The following FBRSL1 variants were observed in gnomAD, a reference collection of about 807,000 sequenced individuals.
FBRSL1 encodes fibrosin-1-like protein.
FBRSL1 carries 51 observed loss-of-function variants against 89.6 expected under a neutral mutation model. That is an observed-to-expected ratio of 0.57 (90% CI 0.45 to 0.72). The LOEUF (loss-of-function observed/expected upper bound fraction) is 0.72, where lower values mean the gene tolerates loss of function less well. Among genes scored for constraint, FBRSL1 ranks in the 30% least tolerant of loss-of-function variants. The pLI is 0.00. For synonymous variants in FBRSL1, 779 were observed against 681.1 expected (o/e 1.14, Z -2.24); for missense variants, 1,618 against 1,451.8 (o/e 1.11, Z -1.86).
chr12:132,582,361 C>T (rs1268464056), intron 18 of FBRSL1, 95 bp downstream of exon 18: 2 of 1,061,024 alleles, frequency 1.9e-6, no homozygotes, highest in African/African-American at 1.6e-5. Context: ...CCCGTTCCCT[C>T]TTCTCCCCGT....
At chr12:132,518,876 ACCACCCATGCATCTATCCATCCAC>A (rs998117425) in intron 2 of FBRSL1, among the ~76,000 whole-genome samples, 3 of 138,590 alleles carry the variant, frequency 2.2e-5, no homozygotes, top group Admixed American at 2.1e-4. Flanking sequence ...TGTCCATCCA[ACCACCCATGCATCTATCCATCCAC>A]CCACCCACCC....
At chr12:132,516,492 TGAAGA>T (rs1425546768) in intron 2 of FBRSL1, among the ~76,000 whole-genome samples, 1 of 152,192 alleles carries the variant, frequency 6.6e-6, no homozygotes, top group African/African-American at 2.4e-5. Flanking sequence ...TTAGATAATC[TGAAGA>T]GTCTTACATC....
Position 132,583,595 on chromosome 12 carries a change from C to T in FBRSL1, c.2826C>T (p.Leu942=), listed in dbSNP as rs1411440977. ...RLSPAALHNG[L]LARTPPAAAA... is the part of the protein sequence containing the mutation. Reference sequence around the variant, plus strand: ...CGCCCGCCGCGCTGCACAATGGGCTCCTGGCGCGGACCCCGCCCGCCGCCG... The same window carrying T: ...CGCCCGCCGCGCTGCACAATGGGCTTCTGGCGCGGACCCCGCCCGCCGCCG... Residue 942 remains leucine (L), a synonymous_variant, in exon 19 of 19, where the codon CTC becomes CTT. Coordinates refer to ENST00000680143, the MANE Select transcript of FBRSL1 (RefSeq NM_001367871.1). 4 of 994,886 alleles carry T rather than the reference C, an allele frequency of 4.0e-6. No individual in the cohort carries two copies. Among genetic ancestry groups the T allele is most frequent in the Non-Finnish European group, 4.8e-6 (4 of 837,278 alleles). The allele number at this position is 994,886 out of a possible 1,614,324, so 61.6% of individuals were successfully genotyped here. A position where few individuals can be genotyped will look rare whatever the true frequency, so the allele number is the denominator to read the frequency against.
chr12:132,564,822 G>C (rs1320502955), intron 5 of FBRSL1, among the ~76,000 whole-genome samples: 1 of 150,162 alleles, frequency 6.7e-6, no homozygotes, highest in Non-Finnish European at 1.5e-5. Context: ...GTAGAGACGG[G>C]GTTTCACCGT....
chr12:132,536,134 A>C (rs888671153), intron 4 of FBRSL1, among the ~76,000 whole-genome samples: 1 of 140,808 alleles, frequency 7.1e-6, no homozygotes, highest in African/African-American at 2.7e-5. Flanking sequence ...CCATGTGTAC[A>C]TGATGGTGTG....
chr12:132,526,592 C>A (rs998015653), intron 3 of FBRSL1, among the ~76,000 whole-genome samples: 2 of 152,170 alleles, frequency 1.3e-5, no homozygotes, highest in Admixed American at 6.5e-5. Flanking sequence ...GACCTGTCCC[C>A]GGCAAGGGTC....
chr12:132,548,091 T>A, intron 5 of FBRSL1, 59 bp downstream of exon 5: 2 of 1,541,404 alleles, frequency 1.3e-6, no homozygotes, highest in Non-Finnish European at 1.8e-6. Context: ...CCTGCTGACC[T>A]TGGCCCTGTG....
chr12:132,548,242 G>A (rs879481392), intron 5 of FBRSL1, among the ~76,000 whole-genome samples: 29 of 152,144 alleles, frequency 1.9e-4, no homozygotes, highest in Non-Finnish European at 2.5e-4. Context: ...GGCTGGGGCC[G>A]GTACCGTGTC....
chr12:132,550,534 C>CCT (rs1272250639), intron 5 of FBRSL1, among the ~76,000 whole-genome samples: 1 of 152,150 alleles, frequency 6.6e-6, no homozygotes, highest in African/African-American at 2.4e-5. Context: ...ACTGCAGGGG[C>CCT]CTCTCCTTGT....
intron 9 of FBRSL1, 84 bp from the exon 10 acceptor site, chr12:132,572,204 C>A: frequency 1.5e-6 from 2 of 1,317,000 alleles, no homozygotes; most frequent in Non-Finnish European, 2.1e-6. Flanking sequence ...CTGTCACTGC[C>A]CAGCCCGGCC....
intron 5 of FBRSL1, chr12:132,551,803 TC>T: frequency 2.9e-6 from 1 of 349,808 alleles, no homozygotes; most frequent in Non-Finnish European, 5.7e-6. Context: ...CCTTCGCAAG[TC>T]TTCGGTTTGT....
At chr12:132,490,896 G>A (rs1173647090) in intron 1 of FBRSL1, 35 bp downstream of exon 1, 1 of 1,066,456 alleles carries the variant, frequency 9.4e-7, no homozygotes, top group Non-Finnish European at 1.2e-6. Flanking sequence ...AGGCGTTGAG[G>A]CGAGAACGGG....
intron 1 of FBRSL1, among the ~76,000 whole-genome samples, chr12:132,501,378 A>G (rs1177939059): frequency 6.6e-6 from 1 of 152,062 alleles, no homozygotes; most frequent in East Asian, 1.9e-4. Flanking sequence ...CGCCCTCCCC[A>G]TGGCTGAGGA....
intron 1 of FBRSL1, among the ~76,000 whole-genome samples, chr12:132,502,870 C>T (rs1166578088): frequency 6.9e-6 from 1 of 144,284 alleles, no homozygotes; most frequent in African/African-American, 2.6e-5. Flanking sequence ...TTCTCACCCT[C>T]TCCTGTCCCC....
intron 4 of FBRSL1, among the ~76,000 whole-genome samples, chr12:132,545,436 G>A (rs1176747195): frequency 6.6e-6 from 1 of 152,236 alleles, no homozygotes; most frequent in Non-Finnish European, 1.5e-5. Flanking sequence ...TCACGCCCCT[G>A]CCTGCGCCTG....
Position 132,582,222 on chromosome 12 carries a change from C to G in FBRSL1, c.2157C>G (p.Thr719=), listed in dbSNP as rs752045895. ...SVDAERVSAL[T]NHDREPDNGK... Reference sequence around the variant, plus strand: ...ACGCGGAGCGGGTGTCAGCCCTGACCAACCATGACCGAGAGCCGGACAATG... The same window carrying G: ...ACGCGGAGCGGGTGTCAGCCCTGACGAACCATGACCGAGAGCCGGACAATG... The change falls in exon 18 of 19, where the codon ACC becomes ACG. Residue 719 remains threonine, a synonymous_variant. Transcript: ENST00000680143. 2.6e-5 allele frequency: 40 copies of G among 1,550,118 alleles called. No homozygotes were observed. The highest frequency in any genetic ancestry group is 3.4e-5 in the Non-Finnish European group (39 of 1,146,880).
intron 5 of FBRSL1, chr12:132,560,371 C>G (rs2039012921): frequency 6.6e-6 from 1 of 152,368 alleles, no homozygotes; most frequent in South Asian, 1.9e-4. Context: ...GAGCCAAGCG[C>G]GGAGACCGCG....
At chr12:132,501,166 G>T (rs946323099) in intron 1 of FBRSL1, among the ~76,000 whole-genome samples, 7 of 152,170 alleles carry the variant, frequency 4.6e-5, no homozygotes, top group Admixed American at 4.6e-4. Context: ...GGGCCCTGAG[G>T]TCAGAAGTGG....
chr12:132,582,461 G>T (rs1489146465), intron 18 of FBRSL1, among the ~76,000 whole-genome samples, 195 bp downstream of exon 18: 3 of 144,704 alleles, frequency 2.1e-5, no homozygotes, highest in Admixed American at 7.0e-5. Flanking sequence ...CCACTGCTGC[G>T]CACTCACAGT....
Sources: gnomAD v4.1 joint callset for allele counts (sites outside exome capture counted in the v4.1 genomes callset) on GRCh38, gnomAD v4.1.1 for gene constraint, MANE v1.5 for transcripts, NCBI Gene and HGNC (gene_info 2026-07-23, HGNC 2026-07-21) for gene names.